Variants in DLG2 observed in about 807,000 individuals in gnomAD.
DLG2 encodes the protein disks large homolog 2.
A neutral mutation model predicts 132.5 loss-of-function variants in DLG2; 45 were observed. That is an observed-to-expected ratio of 0.34 (90% CI 0.27 to 0.44). DLG2 has a LOEUF of 0.44. Ranked by LOEUF, DLG2 falls within the 20% of genes least tolerant of loss-of-function variation. The pLI is 1.00. For missense variants in DLG2, 1,045 were observed against 1,196.9 expected (o/e 0.87, Z 1.87); for synonymous variants, 424 against 419.6 (o/e 1.01, Z -0.13).
chr11:84,812,618 G>C (rs1157937926), intron 6 of DLG2, among the ~76,000 whole-genome samples: 4 of 152,150 alleles, frequency 2.6e-5, no homozygotes, highest in African/African-American at 9.6e-5. Flanking sequence ...ACCATACAGA[G>C]ACCTAAGTGA....
At chr11:84,553,456 A>T (rs1186830862) in intron 6 of DLG2, among the ~76,000 whole-genome samples, 2 of 152,234 alleles carry the variant, frequency 1.3e-5, no homozygotes, top group African/African-American at 4.8e-5. Context: ...TGTTAGAATC[A>T]ATACAATATC....
intron 16 of DLG2, among the ~76,000 whole-genome samples, chr11:83,861,767 T>C (rs1386106178): frequency 6.6e-6 from 1 of 152,100 alleles, no homozygotes; most frequent in Non-Finnish European, 1.5e-5. Context: ...GGATGGTTAA[T>C]GGGTACTAAA....
intron 6 of DLG2, among the ~76,000 whole-genome samples, chr11:84,788,527 T>C (rs1339129710): frequency 6.6e-6 from 1 of 152,178 alleles, no homozygotes; most frequent in Non-Finnish European, 1.5e-5. Flanking sequence ...TCATTTATAT[T>C]ACTTTTCTTA....
chr11:83,916,239 T>G (rs187358779), intron 15 of DLG2, among the ~76,000 whole-genome samples: 8 of 152,270 alleles, frequency 5.3e-5, no homozygotes, highest in African/African-American at 1.9e-4. Context: ...AGGATGTATG[T>G]TTTCATTTCT....
chr11:84,502,520 C>T (rs1236441577), intron 7 of DLG2, among the ~76,000 whole-genome samples: 1 of 150,582 alleles, frequency 6.6e-6, no homozygotes, highest in East Asian at 1.9e-4. Context: ...TTCAGCTTCC[C>T]AAGTAGCTGG....
rs2098975331 is a variant in DLG2 at position 84,428,847 on chromosome 11, A to C, written c.519+105723T>G. The stretch of plus-strand genomic sequence containing the variant: ...CAATAAACATTTCATCCTCAACTAT[A>C]AGCTTGTAATGATATGGCATGTGGG... On this transcript the variant is annotated intron_variant, in intron 7 of 27. Coordinates refer to ENST00000376104, the MANE Select transcript of DLG2 (RefSeq NM_001142699.3). Among the ~76,000 whole-genome samples, 4 of 152,190 alleles carry C rather than the reference A, an allele frequency of 2.6e-5. No homozygotes were observed. The South Asian group carries it at 8.3e-4, about 32-fold the overall frequency.
chr11:85,144,771 ACTAT>A lies in DLG2; in HGVS notation c.282+9781_282+9784del, dbSNP rs538326385. On this transcript the variant is annotated intron_variant, in intron 5 of 27. Coordinates refer to ENST00000376104, the MANE Select transcript of DLG2 (RefSeq NM_001142699.3). Reference sequence around the variant, plus strand: ...TTTAGTTGTTTCTATATATTTTTATACTATCTATTTCTTAGAAATATGTTGTAGT... The same window carrying A: ...TTTAGTTGTTTCTATATATTTTTATACTATTTCTTAGAAATATGTTGTAGT... 5.8e-4 allele frequency among the ~76,000 whole-genome samples: 88 copies of A among 152,086 alleles called. 1 individual carries two copies. Among genetic ancestry groups the A allele is most frequent in the Admixed American group, 4.1e-3 (63 of 15,256 alleles).
intron 6 of DLG2, among the ~76,000 whole-genome samples, chr11:84,990,889 G>T (rs774308499): frequency 6.6e-6 from 1 of 152,026 alleles, no homozygotes; most frequent in Non-Finnish European, 1.5e-5. Context: ...CCAGGTAAAT[G>T]AAAACCTATA....
At chr11:84,667,833 G>A (rs910184467) in intron 6 of DLG2, among the ~76,000 whole-genome samples, 2 of 151,884 alleles carry the variant, frequency 1.3e-5, no homozygotes, top group African/African-American at 2.4e-5. Flanking sequence ...AGGTTCCATT[G>A]CAAAAATTTA....
chr11:85,163,220 CACAG>C lies in DLG2; in HGVS notation c.187-8573_187-8570del, dbSNP rs1316862520. Among the ~76,000 whole-genome samples, 619 of 138,840 alleles carry C rather than the reference CACAG, an allele frequency of 4.5e-3. 5 individuals carry two copies. Among genetic ancestry groups the C allele is most frequent in the African/African-American group, 0.014 (491 of 35,840 alleles). The allele number at this position is 138,840 out of a possible 152,430, so 91.1% of individuals were successfully genotyped here. ...TTTATATATATTACACACACACACA[CACAG>C]ACACACACACACACACACACTATTA... On this transcript the variant is annotated intron_variant, in intron 4 of 27. Transcript: ENST00000376104.
At chr11:85,079,436 C>T (rs919591836) in intron 6 of DLG2, among the ~76,000 whole-genome samples, 7 of 151,686 alleles carry the variant, frequency 4.6e-5, no homozygotes, top group African/African-American at 1.7e-4. Context: ...TTTGGAATGC[C>T]CTTGGCCAAG....
At chr11:85,397,007 A>C (rs2087453674) in intron 3 of DLG2, among the ~76,000 whole-genome samples, 1 of 152,170 alleles carries the variant, frequency 6.6e-6, no homozygotes. Flanking sequence ...TAAAGGAAAA[A>C]ATATTAAGGG....
chr11:85,331,036 TAA>T (rs1230408641), intron 3 of DLG2, among the ~76,000 whole-genome samples: 1 of 152,296 alleles, frequency 6.6e-6, no homozygotes, highest in African/African-American at 2.4e-5. Flanking sequence ...TCATCTGTAT[TAA>T]GTTTAAAATA....
At chr11:85,031,398 T>A (rs1435281590) in intron 6 of DLG2, among the ~76,000 whole-genome samples, 1 of 152,170 alleles carries the variant, frequency 6.6e-6, no homozygotes, top group Non-Finnish European at 1.5e-5. Context: ...TTTATAATAG[T>A]CATCCCACTC....
intron 6 of DLG2, among the ~76,000 whole-genome samples, chr11:84,687,568 C>A (rs2099739212): frequency 6.6e-6 from 1 of 152,100 alleles, no homozygotes; most frequent in Non-Finnish European, 1.5e-5. Flanking sequence ...TTTATTTAAA[C>A]CTACCTGCCT....
intron 7 of DLG2, among the ~76,000 whole-genome samples, chr11:84,262,972 A>G (rs975319237): frequency 6.6e-6 from 1 of 152,216 alleles, no homozygotes; most frequent in Non-Finnish European, 1.5e-5. Flanking sequence ...GCTATAAAAA[A>G]TCAGGCACTC....
chr11:84,016,841 A>G (rs1018180808), intron 11 of DLG2, among the ~76,000 whole-genome samples: 17 of 152,100 alleles, frequency 1.1e-4, no homozygotes, highest in Admixed American at 3.3e-4. Flanking sequence ...TACAACCAAG[A>G]TTTACATAGA....
At chr11:84,307,268 G>A (rs1567237374) in intron 7 of DLG2, among the ~76,000 whole-genome samples, 3 of 152,128 alleles carry the variant, frequency 2.0e-5, no homozygotes, top group South Asian at 4.1e-4. Flanking sequence ...AATATCGCAC[G>A]TCGTCACTTA....
At chr11:83,789,550 C>CT (rs200050358) in intron 17 of DLG2, among the ~76,000 whole-genome samples, 5,918 of 144,014 alleles carry the variant, frequency 0.041, 125 homozygotes, top group Middle Eastern at 0.088. Context: ...AAACTGATGA[C>CT]TTTTTTTTTT....
Sources: allele counts gnomAD v4.1 joint callset (sites outside exome capture counted in the v4.1 genomes callset), GRCh38; gene constraint gnomAD v4.1.1; transcripts MANE v1.5; gene names NCBI Gene and HGNC (gene_info 2026-07-23, HGNC 2026-07-21).